Variants in DCDC2C observed in about 807,000 individuals in gnomAD.
DCDC2C encodes doublecortin domain-containing protein 2C.
In DCDC2C, 44 loss-of-function variants were observed where a neutral mutation model predicts 45.0. The ratio of observed to expected loss-of-function variants is 0.98; its 90% CI spans 0.77 to 1.26. The LOEUF is 1.26. DCDC2C is among the 50% of genes most tolerant of loss of function. The probability of loss-of-function intolerance (pLI) is 0.00; values close to 1 mark genes in which losing one functional copy is unlikely to be tolerated. For synonymous variants in DCDC2C, 187 were observed against 178.8 expected (o/e 1.05, Z -0.37); for missense variants, 447 against 468.9 (o/e 0.95, Z 0.43).
intron 3 of DCDC2C, among the ~76,000 whole-genome samples, chr2:3,733,404 T>C (rs1165363962): frequency 6.6e-6 from 1 of 152,254 alleles, no homozygotes; most frequent in East Asian, 1.9e-4. Flanking sequence ...GTGACTCTGG[T>C]GACAGACTTG....
intron 8 of DCDC2C, among the ~76,000 whole-genome samples, chr2:3,771,413 A>G (rs1670165178): frequency 1.3e-5 from 2 of 152,234 alleles, no homozygotes; most frequent in Admixed American, 1.3e-4. Flanking sequence ...GTGTTGCCCA[A>G]ACCGCGTTCT....
At position 3,805,650 on chromosome 2, in the gene DCDC2C, C is replaced by T. The variant is rs112294695; in HGVS notation, c.1065+20550C>T. Among the ~76,000 whole-genome samples the T allele has an allele frequency of 9.2e-3, 1,393 of 152,208 alleles. 17 individuals carry two copies. The highest frequency in any genetic ancestry group is 0.032 in the African/African-American group (1,326 of 41,528). On this transcript the variant is annotated intron_variant, in intron 10 of 10. Transcript: ENST00000399143. ...ATTTTAAAAGAAGTAATTAGGTTTT[C>T]GCAAATACGTTTTTAGTGTTTAATT...
chr2:3,754,561 C>A, intron 5 of DCDC2C, 31 bp from the exon 6 acceptor site: 1 of 1,547,278 alleles, frequency 6.5e-7, no homozygotes, highest in Non-Finnish European at 8.7e-7. Context: ...CCGGGCTTTA[C>A]ATTTCAAGTT....
intron 10 of DCDC2C, among the ~76,000 whole-genome samples, chr2:3,812,992 T>G (rs2148215099): frequency 6.6e-6 from 1 of 150,704 alleles, no homozygotes; most frequent in South Asian, 2.1e-4. Context: ...TTACTTCCAA[T>G]TATGTGGTCG....
In DCDC2C at chr2:3,847,794, G is replaced by A. The variant is rs1348652111; in HGVS notation, c.*611G>A. The stretch of plus-strand genomic sequence containing the variant: ...GGTGGTCTTCCCCCTTGCTGTTCTC[G>A]TGATAGTGAGTGAGTGCTCCCGAGA... On this transcript the variant is annotated 3_prime_UTR_variant, in exon 11 of 11. Transcript: ENST00000399143. 2.6e-5 allele frequency among the ~76,000 whole-genome samples: 4 copies of A among 152,034 alleles called. No homozygotes were observed. Among genetic ancestry groups the A allele is most frequent in the East Asian group, 1.9e-4 (1 of 5,176 alleles).
At chr2:3,741,353 T>C (rs1233393267) in intron 3 of DCDC2C, among the ~76,000 whole-genome samples, 2 of 152,256 alleles carry the variant, frequency 1.3e-5, no homozygotes, top group Admixed American at 1.3e-4. Context: ...TCTTTCATTT[T>C]ACCCATTATA....
chr2:3,721,471 G>T (rs533054019), intron 2 of DCDC2C, among the ~76,000 whole-genome samples: 35 of 152,286 alleles, frequency 2.3e-4, no homozygotes, highest in Admixed American at 1.8e-3. Context: ...GATATTTTGT[G>T]TGGAAGGGGC....
intron 10 of DCDC2C, among the ~76,000 whole-genome samples, chr2:3,799,381 C>G (rs1671047109): frequency 6.6e-6 from 1 of 152,204 alleles, no homozygotes; most frequent in Non-Finnish European, 1.5e-5. Context: ...CAAAGTCATT[C>G]TCCGTCCAGC....
chr2:3,722,320 A>G (rs1471633723), intron 2 of DCDC2C, among the ~76,000 whole-genome samples: 1 of 152,218 alleles, frequency 6.6e-6, no homozygotes, highest in African/African-American at 2.4e-5. Context: ...ATGGCTTATC[A>G]TGGCCAGGAC....
intron 10 of DCDC2C, among the ~76,000 whole-genome samples, chr2:3,802,704 A>T (rs543104677): frequency 6.6e-6 from 1 of 152,180 alleles, no homozygotes; most frequent in African/African-American, 2.4e-5. Flanking sequence ...CCAAAGGCCC[A>T]GCCTCCTAAT....
intron 10 of DCDC2C, among the ~76,000 whole-genome samples, chr2:3,834,925 G>A (rs1033160719): frequency 1.3e-5 from 2 of 152,196 alleles, no homozygotes; most frequent in African/African-American, 4.8e-5. Flanking sequence ...TTATCCTCAT[G>A]TGAGGATTGC....
At chr2:3,843,243 A>T (rs567251234) in intron 10 of DCDC2C, among the ~76,000 whole-genome samples, 28 of 152,268 alleles carry the variant, frequency 1.8e-4, no homozygotes, top group African/African-American at 6.3e-4. Context: ...GATTCCTGGG[A>T]GTGGACAAAA....
intron 2 of DCDC2C, among the ~76,000 whole-genome samples, chr2:3,719,268 A>G (rs1034100711): frequency 9.2e-5 from 14 of 152,068 alleles, no homozygotes; most frequent in African/African-American, 3.4e-4. Flanking sequence ...TGTATTTTTA[A>G]TAGAGATGGT....
At chr2:3,811,592 C>G (rs1450832782) in intron 10 of DCDC2C, among the ~76,000 whole-genome samples, 1 of 152,052 alleles carries the variant, frequency 6.6e-6, no homozygotes, top group Non-Finnish European at 1.5e-5. Context: ...GCCTGATTGC[C>G]CTGGCCAGAA....
At position 3,823,856 on chromosome 2, in the gene DCDC2C, C is replaced by T. The variant is rs537638679; in HGVS notation, c.1066-23298C>T. On this transcript the variant is annotated intron_variant, in intron 10 of 10. Transcript: ENST00000399143. The stretch of plus-strand genomic sequence containing the variant: ...GTGTCTGCAGTTACTGCATGGTGTT[C>T]ACCTTTTCCACTAGAGCAGGATTTG... Among the ~76,000 whole-genome samples, 5 of 152,250 alleles carry T rather than the reference C, an allele frequency of 3.3e-5. No individual in the cohort carries two copies. The South Asian group carries it at 1.0e-3, about 32-fold the overall frequency.
intron 2 of DCDC2C, among the ~76,000 whole-genome samples, chr2:3,713,101 G>A (rs1418816673): frequency 1.3e-5 from 2 of 152,182 alleles, no homozygotes; most frequent in African/African-American, 2.4e-5. Context: ...AAGCATTCTA[G>A]GAATGACTCC....
chr2:3,781,411 G>A (rs1249251746), intron 9 of DCDC2C, among the ~76,000 whole-genome samples: 1 of 152,200 alleles, frequency 6.6e-6, no homozygotes, highest in African/African-American at 2.4e-5. Flanking sequence ...GTCAACTTAT[G>A]TATCATTCAG....
rs1008506897 is a variant in DCDC2C, at chr2:3,767,872, G to A, written c.845G>A (p.Arg282Lys). The A allele has an allele frequency of 1.3e-6, 2 of 1,523,126 alleles. No homozygotes were observed. Among genetic ancestry groups the A allele is most frequent in the African/African-American group, 2.8e-5 (2 of 70,972 alleles). The allele number at this position is 1,523,126 out of a possible 1,614,324, so 94.4% of individuals were successfully genotyped here. A position where few individuals can be genotyped will look rare whatever the true frequency, so the allele number is the denominator to read the frequency against. ...KKTLAEPLVQ[R>K]GAEGDVYKAP... is the part of the protein sequence containing the mutation. ...ACATTGGCAGAACCTTTAGTCCAAA[G>A]GGGTGCAGGTGACGTGCAGTTTCAT... The change falls in exon 7 of 11, where the codon AGG becomes AAG. Residue 282 changes from arginine (R) to lysine (K), a missense_variant. By Grantham distance (26) the Arg-to-Lys change is conservative. Transcript: ENST00000399143.
At position 3,752,741 on chromosome 2, in the gene DCDC2C, TTTC is replaced by T. The variant is rs1558578268; in HGVS notation, c.546-16_546-14del. 6.5e-7 allele frequency: 1 copy of T among 1,549,780 alleles called. No individual in the cohort carries two copies. The highest frequency in any genetic ancestry group is 8.7e-7 in the Non-Finnish European group (1 of 1,146,458). On this transcript the variant is annotated intron_variant, in intron 4 of 10. Transcript: ENST00000399143. Reference sequence around the variant, plus strand: ...TACTGGTCCTCAAGTCTCTATCTCATTTCTTCTTTCTGTTTTTACAGATTATTT... The same window carrying T: ...TACTGGTCCTCAAGTCTCTATCTCATTTCTTTCTGTTTTTACAGATTATTT...
Sources: allele counts gnomAD v4.1 joint callset (sites outside exome capture counted in the v4.1 genomes callset), GRCh38; gene constraint gnomAD v4.1.1; transcripts MANE v1.5; gene names NCBI Gene and HGNC (gene_info 2026-07-23, HGNC 2026-07-21).